SEMA5A: variants seen among roughly 807,000 people sequenced by gnomAD.
SEMA5A encodes semaphorin 5A, also known as semaphorin-5A.
SEMA5A carries 55 observed loss-of-function variants against 135.5 expected under a neutral mutation model. That is an observed-to-expected ratio of 0.41 (90% CI 0.33 to 0.51). SEMA5A has a LOEUF of 0.51. SEMA5A is among the 20% of genes least tolerant of loss of function. The pLI, the probability that SEMA5A is intolerant of heterozygous loss-of-function variation, is 0.37. For missense variants in SEMA5A, 1,290 were observed against 1,419.9 expected, an observed-to-expected ratio of 0.91 and a Z score of 1.47; for synonymous variants, 580 against 546.5, an observed-to-expected ratio of 1.06 and a Z score of -0.85.
chr5:9,325,017 A>T lies in SEMA5A; in HGVS notation c.225-6600T>A, dbSNP rs115852182. Among the ~76,000 whole-genome samples the T allele has an allele frequency of 5.6e-3, 853 of 152,328 alleles. 6 individuals carry two copies. Among genetic ancestry groups the T allele is most frequent in the African/African-American group, 0.02 (815 of 41,568 alleles). Reference sequence around the variant, plus strand: ...TAGATGTAAATAGGTAGTAATAAGGAATATTGCCATTCTTCAGGGAAAAAG... The same window carrying T: ...TAGATGTAAATAGGTAGTAATAAGGTATATTGCCATTCTTCAGGGAAAAAG... On this transcript the variant is annotated intron_variant, in intron 4 of 22. Coordinates refer to ENST00000382496, the MANE Select transcript of SEMA5A (RefSeq NM_003966.3).
intron 5 of SEMA5A, among the ~76,000 whole-genome samples, chr5:9,287,604 G>A (rs760720708): frequency 5.3e-5 from 8 of 151,992 alleles, no homozygotes; most frequent in Non-Finnish European, 1.0e-4. Flanking sequence ...TGTTACCCTA[G>A]TACAGGACTT....
At chr5:9,359,288 A>C (rs1476006473) in intron 3 of SEMA5A, among the ~76,000 whole-genome samples, 1 of 152,146 alleles carries the variant, frequency 6.6e-6, no homozygotes, top group East Asian at 1.9e-4. Context: ...TTTTTTCCTC[A>C]GCTACATAAA....
At chr5:9,421,910 TATG>T in intron 2 of SEMA5A, among the ~76,000 whole-genome samples, 1 of 152,340 alleles carries the variant, frequency 6.6e-6, no homozygotes, top group African/African-American at 2.4e-5. Context: ...ATACCAACCT[TATG>T]CCTATTGCAG....
At chr5:9,250,149 G>C (rs545922487) in intron 5 of SEMA5A, among the ~76,000 whole-genome samples, 1 of 152,224 alleles carries the variant, frequency 6.6e-6, no homozygotes, top group South Asian at 2.1e-4. Flanking sequence ...GTGATGTAGA[G>C]GTCATTGCAG....
At chr5:9,193,799 G>A (rs1402291290) in intron 10 of SEMA5A, among the ~76,000 whole-genome samples, 1 of 152,200 alleles carries the variant, frequency 6.6e-6, no homozygotes, top group Non-Finnish European at 1.5e-5. Context: ...TTGGGAGGCT[G>A]AGGCAGACAA....
intron 6 of SEMA5A, among the ~76,000 whole-genome samples, chr5:9,227,987 C>T (rs1002867823): frequency 1.3e-5 from 2 of 152,148 alleles, no homozygotes; most frequent in Non-Finnish European, 2.9e-5. Flanking sequence ...GCAAAGTGTT[C>T]TTAGAAAACC....
intron 3 of SEMA5A, among the ~76,000 whole-genome samples, chr5:9,372,772 C>T (rs977148838): frequency 4.6e-5 from 7 of 151,752 alleles, no homozygotes; most frequent in African/African-American, 7.3e-5. Context: ...CACACATGCA[C>T]GGAGCCATGT....
chr5:9,306,395 T>C (rs890132910), intron 5 of SEMA5A, among the ~76,000 whole-genome samples: 2 of 152,216 alleles, frequency 1.3e-5, no homozygotes, highest in South Asian at 4.1e-4. Context: ...ACTAATACAA[T>C]ATTTTTTTTC....
chr5:9,405,520 A>G (rs1290346488), intron 2 of SEMA5A, among the ~76,000 whole-genome samples: 4 of 152,224 alleles, frequency 2.6e-5, no homozygotes, highest in African/African-American at 9.6e-5. Flanking sequence ...AAGTGAGAAT[A>G]CTAGACTCAA....
intron 5 of SEMA5A, among the ~76,000 whole-genome samples, chr5:9,307,844 T>C (rs954040835): frequency 7.2e-5 from 11 of 152,170 alleles, no homozygotes; most frequent in Non-Finnish European, 1.5e-4. Context: ...GTGTTTGCTA[T>C]TGGATTACAT....
chr5:9,101,409 T>C (rs1390527556), intron 16 of SEMA5A, among the ~76,000 whole-genome samples: 2 of 152,168 alleles, frequency 1.3e-5, no homozygotes, highest in Non-Finnish European at 2.9e-5. Context: ...CAATACTACT[T>C]CATTGGATTA....
chr5:9,354,184 C>T, intron 3 of SEMA5A, among the ~76,000 whole-genome samples: 1 of 152,048 alleles, frequency 6.6e-6, no homozygotes, highest in Non-Finnish European at 1.5e-5. Flanking sequence ...GTATTTTGGC[C>T]AATCTCTTCA....
intron 11 of SEMA5A, among the ~76,000 whole-genome samples, chr5:9,170,233 G>A (rs1421121262): frequency 6.6e-6 from 1 of 152,064 alleles, no homozygotes; most frequent in East Asian, 1.9e-4. Context: ...GCATGAACAT[G>A]GGTGACTCAT....
At chr5:9,239,025 G>C (rs1044974371) in intron 5 of SEMA5A, among the ~76,000 whole-genome samples, 1 of 152,200 alleles carries the variant, frequency 6.6e-6, no homozygotes, top group Middle Eastern at 3.4e-3. Context: ...CCAAACTTGG[G>C]AGAATAACAA....
chr5:9,221,524 G>C (rs148872289), intron 8 of SEMA5A, among the ~76,000 whole-genome samples: 83 of 151,030 alleles, frequency 5.5e-4, no homozygotes, highest in South Asian at 8.4e-4. Flanking sequence ...GGATGGTCTC[G>C]ATCTCCTGAC....
Position 9,379,941 on chromosome 5 carries a change from C to G in SEMA5A, c.6G>C (p.Lys2Asn). Residue 2 changes from lysine (K) to asparagine (N), a missense_variant, in exon 3 of 23, where the codon AAG becomes AAC. This residue lies in a region of SEMA5A where 116 missense variants were observed against 121.3 expected (regional missense o/e 0.96). Coordinates refer to ENST00000382496, the MANE Select transcript of SEMA5A (RefSeq NM_003966.3). The part of the protein sequence containing the change: M[K>N]GTCVIAWLFS... Reference sequence around the variant, plus strand: ...ACAGCCATGCTATAACACAGGTTCCCTTCATGGTGGGCAAGGGGCCTCTGA... The same window carrying G: ...ACAGCCATGCTATAACACAGGTTCCGTTCATGGTGGGCAAGGGGCCTCTGA... 1 of 1,610,698 alleles carries G rather than the reference C, an allele frequency of 6.2e-7. No individual in the cohort carries two copies.
intron 19 of SEMA5A, among the ~76,000 whole-genome samples, chr5:9,052,388 G>A (rs1001083182): frequency 1.3e-5 from 2 of 152,170 alleles, no homozygotes; most frequent in African/African-American, 2.4e-5. Flanking sequence ...CAATGCAGAT[G>A]CCATTTTGCT....
In SEMA5A at chr5:9,298,971, C is replaced by A. The variant is rs571143414; in HGVS notation, c.270+19401G>T. Reference sequence around the variant, plus strand: ...CTAGATGCATACTTCCCTTATGGAGCTTTTAGGGGCATAATATCCATCCAG... The same window carrying A: ...CTAGATGCATACTTCCCTTATGGAGATTTTAGGGGCATAATATCCATCCAG... On this transcript the variant is annotated intron_variant, in intron 5 of 22. Coordinates refer to ENST00000382496, the MANE Select transcript of SEMA5A (RefSeq NM_003966.3). 3.3e-5 allele frequency among the ~76,000 whole-genome samples: 5 copies of A among 152,286 alleles called. No homozygotes were observed. In the South Asian group the frequency reaches 1.0e-3, roughly 32 times the overall value.
rs138695235 is a variant in SEMA5A at position 9,179,373 on chromosome 5, G to A, written c.1273+10894C>T. Among the ~76,000 whole-genome samples the A allele has an allele frequency of 1.6e-4, 25 of 152,312 alleles. No homozygotes were observed. In the East Asian group the frequency reaches 4.4e-3, roughly 27 times the overall value. ...GTGAAACCTGAGAGGAAAGTCACCT[G>A]TCTCAGGTGGGTCCAAAGCAAAGCA... On this transcript the variant is annotated intron_variant, in intron 11 of 22. Coordinates refer to ENST00000382496, the MANE Select transcript of SEMA5A (RefSeq NM_003966.3).
Sources: allele counts gnomAD v4.1 joint callset (sites outside exome capture counted in the v4.1 genomes callset), GRCh38; gene constraint gnomAD v4.1.1; regional missense constraint gnomAD v4.1.1; transcripts MANE v1.5; gene names NCBI Gene and HGNC (gene_info 2026-07-23, HGNC 2026-07-21).